The following DAB2 variants were observed in gnomAD, a reference collection of about 807,000 sequenced individuals.
The protein encoded by DAB2 is DAB adaptor protein 2.
DAB2 carries 28 observed loss-of-function variants against 71.6 expected under a neutral mutation model. The ratio of observed to expected loss-of-function variants is 0.39; its 90% confidence interval spans 0.29 to 0.54. The LOEUF is 0.54. DAB2 is among the 20% of genes least tolerant of loss of function. The pLI, the probability that DAB2 is intolerant of heterozygous loss-of-function variation, is 0.68. For synonymous variants in DAB2, 345 were observed against 339.7 expected (o/e 1.02, Z -0.17); for missense variants, 867 against 928.8 (o/e 0.93, Z 0.86).
intron 1 of DAB2, among the ~76,000 whole-genome samples, chr5:39,402,760 T>C (rs1561376081): frequency 6.6e-6 from 1 of 152,100 alleles, no homozygotes; most frequent in Non-Finnish European, 1.5e-5. Flanking sequence ...AGTGAGATGG[T>C]TTGCCAGTGT....
rs890849196 is a variant in DAB2 at position 39,372,793 on chromosome 5, A to G, written c.*638T>C. ...GCAATAGCTAGCAAGAAATGGGAGA[A>G]AAGGACAATCTTGGCCTTGGGAGAA... On this transcript the variant is annotated 3_prime_UTR_variant, in exon 15 of 15. Coordinates refer to ENST00000320816, the MANE Select transcript of DAB2 (RefSeq NM_001343.4). 8.5e-5 allele frequency: 13 copies of G among 152,278 alleles called. No homozygotes were observed. The highest frequency in any genetic ancestry group is 2.9e-4 in the African/African-American group (12 of 41,562). The allele number at this position is 152,278 out of a possible 1,614,324, so 9.4% of individuals were successfully genotyped here. A position where few individuals can be genotyped will look rare whatever the true frequency, so the allele number is the denominator to read the frequency against.
At chr5:39,384,364 C>T (rs991043577) in intron 9 of DAB2, among the ~76,000 whole-genome samples, 1 of 152,130 alleles carries the variant, frequency 6.6e-6, no homozygotes, top group African/African-American at 2.4e-5. Flanking sequence ...ATGATTATAA[C>T]AATATGCTGT....
At chr5:39,411,850 GTT>G (rs1219225657) in intron 1 of DAB2, among the ~76,000 whole-genome samples, 1 of 152,088 alleles carries the variant, frequency 6.6e-6, no homozygotes, top group African/African-American at 2.4e-5. Flanking sequence ...CAGTTGCAGT[GTT>G]TTTTTAACTA....
chr5:39,404,896 C>G (rs1755579689), intron 1 of DAB2, among the ~76,000 whole-genome samples: 1 of 152,204 alleles, frequency 6.6e-6, no homozygotes, highest in African/African-American at 2.4e-5. Flanking sequence ...GGGGCAGTGC[C>G]ACCCAATTCA....
At chr5:39,386,887 A>G (rs948410030) in intron 9 of DAB2, among the ~76,000 whole-genome samples, 1 of 152,208 alleles carries the variant, frequency 6.6e-6, no homozygotes, top group East Asian at 1.9e-4. Flanking sequence ...ACAAATCAAA[A>G]GGACCTCAGA....
At chr5:39,380,543 G>C (rs1754955345) in intron 11 of DAB2, among the ~76,000 whole-genome samples, 1 of 152,084 alleles carries the variant, frequency 6.6e-6, no homozygotes, top group Admixed American at 6.6e-5. Flanking sequence ...GCCAAGAGAA[G>C]AAAAATAGAG....
At chr5:39,421,101 C>A (rs998465024) in intron 1 of DAB2, among the ~76,000 whole-genome samples, 9 of 152,232 alleles carry the variant, frequency 5.9e-5, no homozygotes, top group African/African-American at 1.9e-4. Flanking sequence ...GTCAGCCTGA[C>A]CAAACCAAAG....
rs1159418763 is a variant in DAB2 at position 39,376,043 on chromosome 5, A to G, written c.2201T>C (p.Phe734Ser). ...LPVTKSTDNA[F>S]ENPFFKDSFG... ...AGAATCTTTAAAGAAAGGGTTCTCA[A>G]ATGCATTGTCAGTAGATTTGGTAAC... is the stretch of plus-strand genomic sequence containing the variant. Residue 734 changes from phenylalanine to serine, a missense_variant, in exon 13 of 15, where the codon TTT becomes TCT. By Grantham distance (155) the Phe-to-Ser change is radical (BLOSUM62 -2). Transcript: ENST00000320816. 1 of 1,614,072 alleles carries G rather than the reference A, an allele frequency of 6.2e-7. No individual in the cohort carries two copies.
intron 1 of DAB2, among the ~76,000 whole-genome samples, chr5:39,414,920 C>T (rs1755814272): frequency 6.6e-6 from 1 of 151,888 alleles, no homozygotes; most frequent in Admixed American, 6.6e-5. Flanking sequence ...TATAGAGTGA[C>T]AAAATAGACA....
At chr5:39,374,391 G>A (rs1197132958) in intron 14 of DAB2, among the ~76,000 whole-genome samples, 1 of 152,132 alleles carries the variant, frequency 6.6e-6, no homozygotes, top group African/African-American at 2.4e-5. Context: ...TTTCAGCTGA[G>A]GGTGATTCTA....
At chr5:39,414,768 C>G (rs1755811434) in intron 1 of DAB2, among the ~76,000 whole-genome samples, 1 of 151,692 alleles carries the variant, frequency 6.6e-6, no homozygotes, top group Admixed American at 6.6e-5. Context: ...ATAAGGCAAG[C>G]TAAAGTTTTC....
intron 1 of DAB2, among the ~76,000 whole-genome samples, chr5:39,400,358 G>A (rs1186407672): frequency 6.6e-6 from 1 of 151,544 alleles, no homozygotes; most frequent in Non-Finnish European, 1.5e-5. Context: ...TCAGCCTCCC[G>A]AGTAGCTGGG....
intron 1 of DAB2, chr5:39,408,451 A>C (rs1440500818): frequency 6.6e-6 from 1 of 152,198 alleles, no homozygotes. Flanking sequence ...GATATGATCT[A>C]TTCGAGTTGG....
In DAB2 at chr5:39,376,838, T is replaced by A; in HGVS notation, c.1949A>T (p.Asp650Val). 2 of 1,614,136 alleles carry A rather than the reference T, an allele frequency of 1.2e-6. No homozygotes were observed. The highest frequency in any genetic ancestry group is 1.7e-6 in the Non-Finnish European group (2 of 1,180,016). ...LDPLGDKEIK[D>V]VKEMFKDFQL... The stretch of plus-strand genomic sequence containing the variant: ...GAAATCCTTAAACATTTCTTTCACA[T>A]CCTTGATCTCTTTATCCCCAAGTGG... The change falls in exon 12 of 15, where the codon GAT (aspartate) becomes GTT (valine). Residue 650 changes from aspartate (D) to valine (V), a missense_variant. Asp to Val is a radical substitution (Grantham distance 152, BLOSUM62 -3). This residue lies in a region of DAB2 where 740 missense variants were observed against 734.3 expected (regional missense o/e 1.01). Transcript: ENST00000320816.
At chr5:39,388,969 C>A in intron 7 of DAB2, 117 bp from the exon 8 acceptor site, 1 of 1,305,674 alleles carries the variant, frequency 7.7e-7, no homozygotes, top group Non-Finnish European at 1.1e-6. Context: ...AACTAAACAT[C>A]TTTCATGATC....
chr5:39,396,618 G>C (rs1243748852), intron 1 of DAB2, among the ~76,000 whole-genome samples: 2 of 152,174 alleles, frequency 1.3e-5, no homozygotes, highest in Admixed American at 1.3e-4. Context: ...TATTTTTGAA[G>C]TTAAATGTAC....
At chr5:39,423,399 T>C (rs10042229) in intron 1 of DAB2, among the ~76,000 whole-genome samples, 10 of 152,286 alleles carry the variant, frequency 6.6e-5, no homozygotes, top group African/African-American at 2.4e-4. Context: ...GCCATCTCCC[T>C]TCCAAGAGGG....
chr5:39,377,191 C>G lies in DAB2; in HGVS notation c.1596G>C (p.Met532Ile). The change falls in exon 12 of 15, where the codon ATG becomes ATC. Residue 532 changes from methionine (M) to isoleucine (I), a missense_variant. Met to Ile is a conservative substitution (Grantham distance 10). Around this residue, in one of 2 missense-constraint regions of DAB2, gnomAD observed 740 missense variants for 734.3 expected, o/e 1.01. Transcript: ENST00000320816. ...TAAAACCTGAAGGTTGACCACCCAT[C>G]ATGGCTCCCGGAGCCATTGAAGGGG... The part of the protein sequence containing the change: ...NQSPSMAPGA[M>I]MGGQPSGFSQ... The G allele has an allele frequency of 6.2e-7, 1 of 1,614,108 alleles. No individual in the cohort carries two copies. The highest frequency in any genetic ancestry group is 8.5e-7 in the Non-Finnish European group (1 of 1,179,996).
chr5:39,392,730 T>C lies in DAB2; in HGVS notation c.232-267A>G, dbSNP rs1755265259. The stretch of plus-strand genomic sequence containing the variant: ...CTGGTAAAGCTCAACTAGAAGATCT[T>C]TAGAGATGTTTCTTCTAGGCCTTGA... On this transcript the variant is annotated intron_variant, in intron 3 of 14. Coordinates refer to ENST00000320816, the MANE Select transcript of DAB2 (RefSeq NM_001343.4). 2.0e-5 allele frequency among the ~76,000 whole-genome samples: 3 copies of C among 152,264 alleles called. No homozygotes were observed. In the East Asian group the frequency reaches 5.8e-4, roughly 29 times the overall value.
Sources: allele counts gnomAD v4.1 joint callset (sites outside exome capture counted in the v4.1 genomes callset), GRCh38; gene constraint gnomAD v4.1.1; regional missense constraint gnomAD v4.1.1; transcripts MANE v1.5; gene names NCBI Gene and HGNC (gene_info 2026-07-23, HGNC 2026-07-21).